CBLB: variants seen among roughly 807,000 people sequenced by gnomAD.
The protein encoded by CBLB is E3 ubiquitin-protein ligase CBL-B.
CBLB carries 31 observed loss-of-function variants against 104.9 expected under a neutral mutation model. The ratio of observed to expected loss-of-function variants is 0.30; its 90% CI spans 0.22 to 0.40. The LOEUF (loss-of-function observed/expected upper bound fraction) is 0.40. Among genes scored for constraint, CBLB ranks in the 10% least tolerant of loss-of-function variants. CBLB has a pLI of 1.00. For missense variants in CBLB, 1,062 were observed against 1,214.6 expected (o/e 0.87, Z 1.87); for synonymous variants, 440 against 422.6 (o/e 1.04, Z -0.51).
chr3:105,737,150 T>G lies in CBLB; in HGVS notation c.1071+21A>C, dbSNP rs761521021. On this transcript the variant is annotated intron_variant, in intron 8 of 18. Coordinates refer to ENST00000394030, the MANE Select transcript of CBLB (RefSeq NM_170662.5). ...ATTATGGATACTTATTTAATTATAC[T>G]TTTCTAGCAATTATCCTTACCTGTG... The G allele has an allele frequency of 9.3e-6, 12 of 1,293,450 alleles. No individual in the cohort carries two copies. The Admixed American group carries it at 1.4e-4, about 15-fold the overall frequency. The allele number at this position is 1,293,450 out of a possible 1,614,324, so 80.1% of individuals were successfully genotyped here.
At chr3:105,795,780 G>A in intron 3 of CBLB, among the ~76,000 whole-genome samples, 1 of 152,106 alleles carries the variant, frequency 6.6e-6, no homozygotes, top group East Asian at 1.9e-4. Flanking sequence ...GTCTTGCTCT[G>A]TCGCCCAGGC....
chr3:105,751,487 A>T lies in CBLB; in HGVS notation c.698T>A (p.Phe233Tyr). ...TCNDYISVFE[F>Y]DIFTRLFQPW... is the part of the protein sequence containing the mutation. ...CTGAAACAGCCTGGTAAAAATATCA[A>T]ATTCAAAAACTGAAATGTAATCATT... Residue 233 changes from phenylalanine to tyrosine, a missense_variant, in exon 5 of 19, where the codon TTT (phenylalanine) becomes TAT (tyrosine). Around this residue, in one of 2 missense-constraint regions of CBLB, gnomAD observed 457 missense variants for 632.0 expected, o/e 0.72. Coordinates refer to ENST00000394030, the MANE Select transcript of CBLB (RefSeq NM_170662.5). 6.2e-7 allele frequency: 1 copy of T among 1,611,620 alleles called. No homozygotes were observed. The highest frequency in any genetic ancestry group is 8.5e-7 in the Non-Finnish European group (1 of 1,177,916).
intron 4 of CBLB, among the ~76,000 whole-genome samples, chr3:105,755,194 A>T (rs1394413266): frequency 6.6e-6 from 1 of 150,794 alleles, no homozygotes; most frequent in Non-Finnish European, 1.5e-5. Flanking sequence ...TGACCCCACC[A>T]CAGTCCCCAG....
chr3:105,692,169 A>T (rs28422796), intron 13 of CBLB, among the ~76,000 whole-genome samples: 21,701 of 152,174 alleles, frequency 0.14, 1,967 homozygotes, highest in South Asian at 0.28. Context: ...GTAAATAAGG[A>T]CCTCAGCAGA....
chr3:105,786,109 G>A (rs2080988356), intron 3 of CBLB, among the ~76,000 whole-genome samples: 1 of 150,850 alleles, frequency 6.6e-6, no homozygotes. Flanking sequence ...AAAAAGGCAG[G>A]GTAATCGATA....
chr3:105,759,202 C>T (rs1239225798), intron 4 of CBLB, among the ~76,000 whole-genome samples: 1 of 152,164 alleles, frequency 6.6e-6, no homozygotes, highest in African/African-American at 2.4e-5. Flanking sequence ...GTAGCTTCTT[C>T]CTGTAGCTGG....
chr3:105,863,134 T>A (rs1021731127), intron 2 of CBLB, among the ~76,000 whole-genome samples: 1 of 152,246 alleles, frequency 6.6e-6, no homozygotes, highest in Admixed American at 6.5e-5. Context: ...AAAAGACTAC[T>A]AACTGATTAA....
chr3:105,657,905 G>C lies in CBLB; in HGVS notation c.*1065C>G. On this transcript the variant is annotated 3_prime_UTR_variant, in exon 19 of 19. Transcript: ENST00000394030. ...AGAGTTAATGTTTCCACTGCAATAT[G>C]AACTGGTTCCCACAGCTCTTAGGAG... 4.7e-6 allele frequency: 1 copy of C among 211,450 alleles called. No individual in the cohort carries two copies. The highest frequency in any genetic ancestry group is 9.6e-6 in the Non-Finnish European group (1 of 104,386). 13.1% of individuals were successfully genotyped at this position (211,450 alleles called of 1,614,324 possible).
intron 3 of CBLB, among the ~76,000 whole-genome samples, chr3:105,777,883 T>A (rs1298157866): frequency 6.6e-6 from 1 of 152,184 alleles, no homozygotes; most frequent in African/African-American, 2.4e-5. Context: ...ATTTCTTAAA[T>A]TTTCAATATT....
rs763701502 is a variant in CBLB, at chr3:105,659,186, G to A, written c.2733C>T (p.Arg911=). The A allele has an allele frequency of 1.9e-6, 3 of 1,613,822 alleles. No homozygotes were observed. The highest frequency in any genetic ancestry group is 2.5e-6 in the Non-Finnish European group (3 of 1,179,910). Residue 911 remains arginine, a synonymous_variant, in exon 19 of 19, where the codon CGC becomes CGT. Transcript: ENST00000394030. ...TGTGGTGAATTTCTGGTGCAGTCCT[G>A]CGCGGTCGTGGTTTAGGGGGTCTGG... ...APARPPKPRP[R]RTAPEIHHRK...
chr3:105,804,537 A>C (rs1033442560), intron 3 of CBLB, among the ~76,000 whole-genome samples: 1 of 151,820 alleles, frequency 6.6e-6, no homozygotes, highest in Non-Finnish European at 1.5e-5. Context: ...AAAAAAATGT[A>C]AAATATCTCA....
intron 3 of CBLB, among the ~76,000 whole-genome samples, chr3:105,783,880 G>GT (rs1285164384): frequency 6.6e-6 from 1 of 152,206 alleles, no homozygotes; most frequent in African/African-American, 2.4e-5. Flanking sequence ...TCCTGGAATT[G>GT]TAACAGCAGT....
intron 8 of CBLB, among the ~76,000 whole-genome samples, chr3:105,735,903 G>C (rs904462802): frequency 6.6e-6 from 1 of 152,190 alleles, no homozygotes; most frequent in East Asian, 1.9e-4. Flanking sequence ...CCGAGATCGC[G>C]TCACTGCACT....
intron 3 of CBLB, among the ~76,000 whole-genome samples, chr3:105,852,858 C>G (rs1052612491): frequency 1.3e-5 from 2 of 152,068 alleles, no homozygotes; most frequent in Non-Finnish European, 2.9e-5. Context: ...GCTGGGATTA[C>G]AGGCGTGTGC....
In CBLB at chr3:105,726,018, T is replaced by C. The variant is rs115482790; in HGVS notation, c.1204-5768A>G. On this transcript the variant is annotated intron_variant, in intron 9 of 18. Transcript: ENST00000394030. ...AGGCTCCCGCCACCACGCCCAGTTATTTGGTATTTTTAGTAGAAACAGGGT... is the reference window on the plus strand; with the variant it reads ...AGGCTCCCGCCACCACGCCCAGTTACTTGGTATTTTTAGTAGAAACAGGGT... Among the ~76,000 whole-genome samples the C allele has an allele frequency of 2.0e-3, 301 of 152,088 alleles. 2 individuals are homozygous for C. Among genetic ancestry groups the C allele is most frequent in the African/African-American group, 7.0e-3 (292 of 41,502 alleles).
intron 10 of CBLB, among the ~76,000 whole-genome samples, chr3:105,710,798 A>G (rs2070956756): frequency 6.6e-6 from 1 of 151,950 alleles, no homozygotes; most frequent in African/African-American, 2.4e-5. Context: ...TTTGCTTTGG[A>G]AATTAATAAA....
chr3:105,813,183 G>T (rs192124372), intron 3 of CBLB, among the ~76,000 whole-genome samples: 1 of 152,118 alleles, frequency 6.6e-6, no homozygotes, highest in East Asian at 1.9e-4. Flanking sequence ...AAATGATTAA[G>T]AAACAACTCC....
intron 4 of CBLB, among the ~76,000 whole-genome samples, chr3:105,774,411 A>G (rs1371857386): frequency 6.6e-6 from 1 of 152,250 alleles, no homozygotes; most frequent in Non-Finnish European, 1.5e-5. Context: ...TTATCTAATA[A>G]AGGAATAATT....
intron 5 of CBLB, among the ~76,000 whole-genome samples, chr3:105,749,955 G>C (rs1324876715): frequency 6.6e-6 from 1 of 151,698 alleles, no homozygotes; most frequent in African/African-American, 2.4e-5. Flanking sequence ...TTATGTAATT[G>C]CTTACCCTAT....
Sources: allele counts gnomAD v4.1 joint callset (sites outside exome capture counted in the v4.1 genomes callset), GRCh38; gene constraint gnomAD v4.1.1; regional missense constraint gnomAD v4.1.1; transcripts MANE v1.5; gene names NCBI Gene and HGNC (gene_info 2026-07-23, HGNC 2026-07-21).